Variants in TMEM232 observed in about 807,000 individuals in gnomAD.
TMEM232 encodes transmembrane protein 232.
A neutral mutation model predicts 78.8 loss-of-function variants in TMEM232; 80 were observed. The ratio of observed to expected loss-of-function variants is 1.01; its 90% confidence interval spans 0.85 to 1.22. TMEM232 has a LOEUF of 1.22. Among genes scored for constraint, TMEM232 ranks in the 50% most tolerant of loss-of-function variants. The pLI, the probability that TMEM232 is intolerant of heterozygous loss-of-function variation, is 0.00. For missense variants in TMEM232, 881 were observed against 742.2 expected, an observed-to-expected ratio of 1.19 and a Z score of -2.17; for synonymous variants, 297 against 254.3, an observed-to-expected ratio of 1.17 and a Z score of -1.60.
intron 12 of TMEM232, among the ~76,000 whole-genome samples, chr5:110,518,624 A>G (rs554466321): frequency 6.6e-6 from 1 of 152,306 alleles, no homozygotes; most frequent in South Asian, 2.1e-4. Context: ...CTTGAAAAAA[A>G]AATGCTTAAA....
intron 1 of TMEM232, among the ~76,000 whole-genome samples, chr5:110,724,612 A>G (rs187119262): frequency 1.4e-4 from 21 of 152,342 alleles, no homozygotes; most frequent in Admixed American, 1.3e-3. Context: ...GGCCACTGCC[A>G]TGAGATTAGG....
chr5:110,499,086 TA>T (rs1206798762), intron 12 of TMEM232, among the ~76,000 whole-genome samples: 2 of 151,298 alleles, frequency 1.3e-5, no homozygotes, highest in Non-Finnish European at 2.9e-5. Context: ...AGGGGGGCAA[TA>T]AAGAAAATAA....
chr5:110,689,200 T>C (rs1355036766), intron 1 of TMEM232, among the ~76,000 whole-genome samples: 1 of 152,138 alleles, frequency 6.6e-6, no homozygotes, highest in Non-Finnish European at 1.5e-5. Flanking sequence ...CCCAGGACCT[T>C]TGTAAACCCT....
intron 11 of TMEM232, among the ~76,000 whole-genome samples, chr5:110,564,823 A>C (rs1234599634): frequency 6.6e-6 from 1 of 151,984 alleles, no homozygotes; most frequent in Non-Finnish European, 1.5e-5. Context: ...TCATTGCCTG[A>C]AGAGAAAATA....
At chr5:110,502,149 T>C (rs1176254337) in intron 12 of TMEM232, among the ~76,000 whole-genome samples, 1 of 152,188 alleles carries the variant, frequency 6.6e-6, no homozygotes, top group Non-Finnish European at 1.5e-5. Context: ...CTTTTAGGAA[T>C]GTTGTAATTT....
chr5:110,444,906 A>C (rs563835701), intron 12 of TMEM232, among the ~76,000 whole-genome samples: 1 of 151,192 alleles, frequency 6.6e-6, no homozygotes, highest in African/African-American at 2.4e-5. Flanking sequence ...TCTTTTTCCC[A>C]TTTTCCTCCT....
chr5:110,539,571 C>G (rs1342862803), intron 11 of TMEM232, among the ~76,000 whole-genome samples: 1 of 152,106 alleles, frequency 6.6e-6, no homozygotes, highest in Non-Finnish European at 1.5e-5. Context: ...AATCCTAATA[C>G]CGGAGGAAAA....
At position 110,638,091 on chromosome 5, in the gene TMEM232, T is replaced by C. The variant is rs530523550; in HGVS notation, c.501+107A>G. 6.3e-4 allele frequency: 553 copies of C among 871,206 alleles called. 8 individuals carry two copies. In the East Asian group the frequency reaches 0.015, roughly 24 times the overall value. The allele number at this position is 871,206 out of a possible 1,614,324, so 54.0% of individuals were successfully genotyped here. ...GATTAAACTACCAAACAAAAGAATATTCTATAATAAAACTAAATGTTCTGT... is the reference window on the plus strand; with the variant it reads ...GATTAAACTACCAAACAAAAGAATACTCTATAATAAAACTAAATGTTCTGT... On this transcript the variant is annotated intron_variant, in intron 5 of 13. Coordinates refer to ENST00000455884, the MANE Select transcript of TMEM232 (RefSeq NM_001039763.4).
chr5:110,683,739 T>C (rs1398103641), intron 1 of TMEM232, among the ~76,000 whole-genome samples: 2 of 151,866 alleles, frequency 1.3e-5, no homozygotes, highest in Non-Finnish European at 2.9e-5. Context: ...TCTGTGGCAG[T>C]ATGGGAAAGG....
intron 12 of TMEM232, among the ~76,000 whole-genome samples, chr5:110,500,202 G>A (rs1766095396): frequency 7.0e-6 from 1 of 142,084 alleles, no homozygotes; most frequent in Admixed American, 7.4e-5. Flanking sequence ...TGAGGCAGAA[G>A]AATCATTTGA....
intron 12 of TMEM232, among the ~76,000 whole-genome samples, chr5:110,461,193 C>A (rs1324734194): frequency 2.0e-5 from 3 of 149,376 alleles, no homozygotes; most frequent in Non-Finnish European, 3.0e-5. Flanking sequence ...GCTGTGAATG[C>A]AAAAAAAAGA....
At chr5:110,571,115 G>A (rs907469333) in intron 10 of TMEM232, among the ~76,000 whole-genome samples, 1 of 151,958 alleles carries the variant, frequency 6.6e-6, no homozygotes, top group African/African-American at 2.4e-5. Flanking sequence ...GAATCTCCAT[G>A]GCTAGCTAGG....
chr5:110,499,409 G>A (rs963482260), intron 12 of TMEM232, among the ~76,000 whole-genome samples: 1 of 152,026 alleles, frequency 6.6e-6, no homozygotes, highest in Admixed American at 6.6e-5. Context: ...ATGCAACCAT[G>A]CCTGGCTAAT....
At chr5:110,461,292 A>C (rs1030037328) in intron 12 of TMEM232, among the ~76,000 whole-genome samples, 9 of 152,170 alleles carry the variant, frequency 5.9e-5, no homozygotes, top group African/African-American at 2.2e-4. Flanking sequence ...GCTGATATGG[A>C]GAAAGTTTTC....
At chr5:110,680,826 G>A (rs932748176) in intron 1 of TMEM232, among the ~76,000 whole-genome samples, 1 of 151,982 alleles carries the variant, frequency 6.6e-6, no homozygotes, top group East Asian at 1.9e-4. Flanking sequence ...TAGGGAAGGA[G>A]GGAAAAAGAA....
chr5:110,686,852 G>T (rs1252069849), intron 1 of TMEM232, among the ~76,000 whole-genome samples: 1 of 152,130 alleles, frequency 6.6e-6, no homozygotes, highest in Non-Finnish European at 1.5e-5. Flanking sequence ...TCACAGTCAT[G>T]AGACCAAGGC....
intron 11 of TMEM232, among the ~76,000 whole-genome samples, chr5:110,552,260 A>G (rs1381162062): frequency 6.6e-6 from 1 of 152,092 alleles, no homozygotes; most frequent in Non-Finnish European, 1.5e-5. Context: ...GCCACAATAT[A>G]TATTTAGAGT....
intron 12 of TMEM232, among the ~76,000 whole-genome samples, chr5:110,485,770 A>G (rs764190718): frequency 8.5e-5 from 13 of 152,130 alleles, no homozygotes; most frequent in Non-Finnish European, 1.3e-4. Context: ...TTGTGCTGCT[A>G]TAAATATGCG....
At chr5:110,408,235 C>G (rs1755865959) in intron 2 of TMEM232, among the ~76,000 whole-genome samples, 1 of 151,894 alleles carries the variant, frequency 6.6e-6, no homozygotes, top group Non-Finnish European at 1.5e-5. Flanking sequence ...CAAGAACAAA[C>G]CAATTAGTAG....
Sources: gnomAD v4.1 joint callset for allele counts (sites outside exome capture counted in the v4.1 genomes callset) on GRCh38, gnomAD v4.1.1 for gene constraint, MANE v1.5 for transcripts, NCBI Gene and HGNC (gene_info 2026-07-23, HGNC 2026-07-21) for gene names.